The following STC2 variants were observed in gnomAD, a reference collection of about 807,000 sequenced individuals.
STC2 encodes the protein stanniocalcin-2.
STC2 carries 7 observed loss-of-function variants against 22.7 expected under a neutral mutation model. The observed-to-expected ratio is 0.31, with a 90% CI of 0.18 to 0.58. The LOEUF (loss-of-function observed/expected upper bound fraction) is 0.58, where lower values mean the gene tolerates loss of function less well. Ranked by LOEUF, STC2 falls within the 20% of genes least tolerant of loss-of-function variation. The probability of loss-of-function intolerance (pLI) is 0.89; values close to 1 mark genes in which losing one functional copy is unlikely to be tolerated. For synonymous variants in STC2, 158 were observed against 163.4 expected, an observed-to-expected ratio of 0.97 and a Z score of 0.25; for missense variants, 336 against 406.2, an observed-to-expected ratio of 0.83 and a Z score of 1.48.
chr5:173,323,932 CTGATTGT>C lies in STC2; in HGVS notation c.295-509_295-503del. ...CCAGGGGCGACACCGAGATTGATTG[CTGATTGT>C]ACCTCCCTTTCTGCCTCCGTGCCTC... On this transcript the variant is annotated intron_variant, in intron 2 of 3. Transcript: ENST00000265087. The surrounding 1 kb of genome is among the most constrained non-coding windows in gnomAD (Gnocchi z 5.4). 1 of 175,028 alleles carries C rather than the reference CTGATTGT, an allele frequency of 5.7e-6. No homozygotes were observed. Among genetic ancestry groups the C allele is most frequent in the East Asian group, 1.5e-4 (1 of 6,534 alleles). The allele number at this position is 175,028 out of a possible 1,614,324, so 10.8% of individuals were successfully genotyped here. A position where few individuals can be genotyped will look rare whatever the true frequency, so the allele number is the denominator to read the frequency against.
Position 173,318,264 on chromosome 5 carries a change from CAAAGAGAGAG to C in STC2, c.507-25_507-16del, listed in dbSNP as rs908375286. Reference sequence around the variant, plus strand: ...CCACGTAGGGTCTAAAGATTGAAAGCAAAGAGAGAGAGAGAGAGAGAGAGAGAGAGAGAGA... The same window carrying C: ...CCACGTAGGGTCTAAAGATTGAAAGCAGAGAGAGAGAGAGAGAGAGAGAGA... On this transcript the variant is annotated splice_polypyrimidine_tract_variant and intron_variant, in intron 3 of 3. Transcript: ENST00000265087. 11 of 1,176,954 alleles carry C rather than the reference CAAAGAGAGAG, an allele frequency of 9.3e-6. No homozygotes were observed. Among genetic ancestry groups the C allele is most frequent in the Non-Finnish European group, 1.1e-5 (10 of 924,730 alleles). The allele number at this position is 1,176,954 out of a possible 1,614,324, so 72.9% of individuals were successfully genotyped here. A position where few individuals can be genotyped will look rare whatever the true frequency, so the allele number is the denominator to read the frequency against.
intron 3 of STC2, among the ~76,000 whole-genome samples, chr5:173,319,140 G>A (rs540586288): frequency 2.0e-4 from 31 of 152,306 alleles, no homozygotes; most frequent in Admixed American, 3.3e-4. Flanking sequence ...AGGCCATTCC[G>A]GTTGTCTTGG....
rs1421251093 is a variant in STC2 at position 173,317,630 on chromosome 5, G to A, written c.*217C>T. ...CGCGGGCGCGCTCCCTTGAGTACGT[G>A]TAAGTGCAGAATTCACCAGGCACCC... is the stretch of plus-strand genomic sequence containing the variant. On this transcript the variant is annotated 3_prime_UTR_variant, in exon 4 of 4. Transcript: ENST00000265087. 2 of 477,790 alleles carry A rather than the reference G, an allele frequency of 4.2e-6. No homozygotes were observed. The highest frequency in any genetic ancestry group is 3.3e-5 in the East Asian group (1 of 30,292). 29.6% of individuals were successfully genotyped at this position (477,790 alleles called of 1,614,324 possible). A position where few individuals can be genotyped will look rare whatever the true frequency, so the allele number is the denominator to read the frequency against.
Position 173,325,278 on chromosome 5 carries a change from T to C in STC2, c.294+590A>G, listed in dbSNP as rs1219779034. Among the ~76,000 whole-genome samples, 1 of 152,218 alleles carries C rather than the reference T, an allele frequency of 6.6e-6. No individual in the cohort carries two copies. Among genetic ancestry groups the C allele is most frequent in the Non-Finnish European group, 1.5e-5 (1 of 68,036 alleles). ...CCTTGCCCTGAGCAGCAACTCCGCG[T>C]TCCCCTTGGGACCCTGGGATAACCG... On this transcript the variant is annotated intron_variant, in intron 2 of 3. Coordinates refer to ENST00000265087, the MANE Select transcript of STC2 (RefSeq NM_003714.3). This position sits in a 1 kb window ranked among gnomAD's most constrained non-coding sequence, Gnocchi z 4.7.
intron 2 of STC2, among the ~76,000 whole-genome samples, chr5:173,324,774 T>C (rs1174436526): frequency 1.3e-5 from 2 of 152,250 alleles, no homozygotes; most frequent in Non-Finnish European, 2.9e-5. Context: ...TCCTGTGGGA[T>C]TGCCCTTAAA....
Position 173,315,633 on chromosome 5 carries a change from C to G in STC2, c.*2214G>C, listed in dbSNP as rs1187241531. The G allele has an allele frequency of 2.0e-5, 3 of 152,248 alleles. No homozygotes were observed. The highest frequency in any genetic ancestry group is 7.2e-5 in the African/African-American group (3 of 41,438). 9.4% of individuals were successfully genotyped at this position (152,248 alleles called of 1,614,324 possible). A position where few individuals can be genotyped will look rare whatever the true frequency, so the allele number is the denominator to read the frequency against. On this transcript the variant is annotated 3_prime_UTR_variant, in exon 4 of 4. Coordinates refer to ENST00000265087, the MANE Select transcript of STC2 (RefSeq NM_003714.3). Reference sequence around the variant, plus strand: ...GTCCAGGAGCTGGCGGACAAATGAACAGCTGACTCAGCAACGCAGGAGAAT... The same window carrying G: ...GTCCAGGAGCTGGCGGACAAATGAAGAGCTGACTCAGCAACGCAGGAGAAT...
Position 173,323,447 on chromosome 5 carries a change from C to G in STC2, c.295-17G>C, listed in dbSNP as rs756193387. On this transcript the variant is annotated splice_polypyrimidine_tract_variant and intron_variant, in intron 2 of 3. Transcript: ENST00000265087. The surrounding 1 kb of genome is among the most constrained non-coding windows in gnomAD (Gnocchi z 5.4). Reference sequence around the variant, plus strand: ...TGACTTGCCCTGAGAACACACAGGCCGGGGAAGGGAGAGAGGGGCAGAAAG... The same window carrying G: ...TGACTTGCCCTGAGAACACACAGGCGGGGGAAGGGAGAGAGGGGCAGAAAG... The G allele has an allele frequency of 6.2e-5, 99 of 1,593,424 alleles. No individual in the cohort carries two copies. The highest frequency in any genetic ancestry group is 8.5e-5 in the Non-Finnish European group (99 of 1,168,438).
chr5:173,317,900 C>G lies in STC2; in HGVS notation c.856G>C (p.Gly286Arg), dbSNP rs368820616. 39 of 1,607,002 alleles carry G rather than the reference C, an allele frequency of 2.4e-5. No homozygotes were observed. The highest frequency in any genetic ancestry group is 3.3e-5 in the Non-Finnish European group (39 of 1,175,528). The change falls in exon 4 of 4, where the codon GGA becomes CGA. Residue 286 changes from glycine (G) to arginine (R), a missense_variant. Around this residue, in one of 3 missense-constraint regions of STC2, gnomAD observed 215 missense variants for 231.5 expected, o/e 0.93. Transcript: ENST00000265087. ...TGTTCGTCTTCCCACTCGCTGCTTC[C>G]GGAAGGTCCCTGAGCCCCAAGGCCC... ...VGGLGAQGPS[G>R]SSEWEDEQSE...
Position 173,328,173 on chromosome 5 carries a change from G to A in STC2, c.21C>T (p.Gly7=). The A allele has an allele frequency of 6.4e-7, 1 of 1,571,476 alleles. No individual in the cohort carries two copies. Among genetic ancestry groups the A allele is most frequent in the Non-Finnish European group, 8.6e-7 (1 of 1,159,212 alleles). MCAERL[G]QFMTLALVLA... ...ACACCAAAGCCAGGGTCATGAACTG[G>A]CCCAGCCGCTCGGCACACATGGTTC... The change falls in exon 1 of 4, where the codon GGC becomes GGT. Residue 7 remains glycine (G), a synonymous_variant. Transcript: ENST00000265087.
chr5:173,327,984 G>A, intron 1 of STC2, 59 bp downstream of exon 1: 1 of 1,391,292 alleles, frequency 7.2e-7, no homozygotes. Flanking sequence ...GGGGCGCGCC[G>A]CGTGGGTGCA....
Position 173,323,537 on chromosome 5 carries a change from C to A in STC2, c.295-107G>T. ...TTGGGCTTACACAGGATATTTCTGACATCAGAACCCCAAGGCCCCACCAGA... is the reference window on the plus strand; with the variant it reads ...TTGGGCTTACACAGGATATTTCTGAAATCAGAACCCCAAGGCCCCACCAGA... On this transcript the variant is annotated intron_variant, in intron 2 of 3. Coordinates refer to ENST00000265087, the MANE Select transcript of STC2 (RefSeq NM_003714.3). This position sits in a 1 kb window ranked among gnomAD's most constrained non-coding sequence, Gnocchi z 5.4. The A allele has an allele frequency of 1.8e-6, 2 of 1,111,336 alleles. No individual in the cohort carries two copies. The highest frequency in any genetic ancestry group is 1.4e-5 in the South Asian group (1 of 69,218). 68.8% of individuals were successfully genotyped at this position (1,111,336 alleles called of 1,614,324 possible).
intron 2 of STC2, chr5:173,324,419 T>C (rs762686203): frequency 2.0e-5 from 3 of 152,098 alleles, no homozygotes; most frequent in Non-Finnish European, 4.4e-5. Flanking sequence ...AGTCACTGAG[T>C]TGAGAAAGTA....
rs1416897501 is a variant in STC2, at chr5:173,325,302, C to T, written c.294+566G>A. ...GTTCCCCTTGGGACCCTGGGATAACCGAAGTGGGTCAGGCCCTGACTATAT... is the reference window on the plus strand; with the variant it reads ...GTTCCCCTTGGGACCCTGGGATAACTGAAGTGGGTCAGGCCCTGACTATAT... On this transcript the variant is annotated intron_variant, in intron 2 of 3. Coordinates refer to ENST00000265087, the MANE Select transcript of STC2 (RefSeq NM_003714.3). The surrounding 1 kb of genome is among the most constrained non-coding windows in gnomAD (Gnocchi z 4.7). Among the ~76,000 whole-genome samples the T allele has an allele frequency of 6.6e-6, 1 of 152,108 alleles. No homozygotes were observed. The highest frequency in any genetic ancestry group is 6.5e-5 in the Admixed American group (1 of 15,270).
chr5:173,318,935 G>A (rs1459258242), intron 3 of STC2, among the ~76,000 whole-genome samples: 1 of 152,232 alleles, frequency 6.6e-6, no homozygotes, highest in African/African-American at 2.4e-5. Flanking sequence ...CATTGCCCGT[G>A]CATGCAGTGA....
In STC2 at chr5:173,328,068, T is replaced by C; in HGVS notation, c.126A>G (p.Lys42=). The change falls in exon 1 of 4, where the codon AAA becomes AAG. Residue 42 remains lysine (K), a synonymous_variant. Coordinates refer to ENST00000265087, the MANE Select transcript of STC2 (RefSeq NM_003714.3). ...CTGTATTCTGCAGGGACAGGCGGCC[T>C]TTCTGCTGGGAGCTCCTGTCTTGGG... ...EGPQDRSSQQ[K]GRLSLQNTAE... is the part of the protein sequence containing the mutation. 1 of 1,590,322 alleles carries C rather than the reference T, an allele frequency of 6.3e-7. No homozygotes were observed. The highest frequency in any genetic ancestry group is 8.6e-7 in the Non-Finnish European group (1 of 1,168,668).
chr5:173,318,587 G>T (rs1762453584), intron 3 of STC2, among the ~76,000 whole-genome samples: 1 of 152,164 alleles, frequency 6.6e-6, no homozygotes, highest in African/African-American at 2.4e-5. Flanking sequence ...AGAGCTCTGG[G>T]TGCCTTTAGG....
At chr5:173,321,856 G>A (rs969416803) in intron 3 of STC2, among the ~76,000 whole-genome samples, 5 of 152,232 alleles carry the variant, frequency 3.3e-5, no homozygotes, top group Non-Finnish European at 7.3e-5. Flanking sequence ...TGTTGATGAT[G>A]CTGTGGCTGC....
intron 3 of STC2, among the ~76,000 whole-genome samples, 167 bp from the exon 4 acceptor site, chr5:173,318,416 G>A (rs1762451607): frequency 6.6e-6 from 1 of 152,128 alleles, no homozygotes; most frequent in South Asian, 2.1e-4. Context: ...ATGACTTCAA[G>A]CCTTTTCTCA....
chr5:173,319,245 C>A (rs1223106040), intron 3 of STC2, among the ~76,000 whole-genome samples: 1 of 152,188 alleles, frequency 6.6e-6, no homozygotes, highest in East Asian at 1.9e-4. Flanking sequence ...TTTATGGGCC[C>A]ATCTGGTAAA....
Sources: gnomAD v4.1 joint callset for allele counts (sites outside exome capture counted in the v4.1 genomes callset) on GRCh38, gnomAD v4.1.1 for gene constraint, gnomAD v4.1.1 regional missense constraint, Gnocchi (gnomAD v3.1) non-coding constraint, MANE v1.5 for transcripts, NCBI Gene and HGNC (gene_info 2026-07-23, HGNC 2026-07-21) for gene names.